The following RASA1 variants were observed in gnomAD, a reference collection of about 807,000 sequenced individuals.
RASA1 encodes RAS p21 protein activator 1, also known as ras GTPase-activating protein 1.
A neutral mutation model predicts 132.2 loss-of-function variants in RASA1; 25 were observed. That is an observed-to-expected ratio of 0.19 (90% confidence interval 0.14 to 0.26). The LOEUF (loss-of-function observed/expected upper bound fraction) is 0.26, where lower values mean the gene tolerates loss of function less well. Among genes scored for constraint, RASA1 ranks in the 10% least tolerant of loss-of-function variants. The probability of loss-of-function intolerance (pLI) is 1.00; values close to 1 mark genes in which losing one functional copy is unlikely to be tolerated. For missense variants in RASA1, 964 were observed against 1,299.2 expected (o/e 0.74, Z 3.97); for synonymous variants, 477 against 449.9 (o/e 1.06, Z -0.76).
chr5:87,269,157 A>G, intron 1 of RASA1, 167 bp downstream of exon 1: 1 of 1,612,732 alleles, frequency 6.2e-7, no homozygotes, highest in Non-Finnish European at 8.5e-7. Context: ...TATCTTCCTT[A>G]CAGGCATACT....
intron 1 of RASA1, among the ~76,000 whole-genome samples, chr5:87,323,409 G>A (rs988604576): frequency 1.3e-5 from 2 of 152,164 alleles, no homozygotes; most frequent in Non-Finnish European, 2.9e-5. Context: ...GAGAACTTTT[G>A]AGGGAGAGAG....
intron 1 of RASA1, among the ~76,000 whole-genome samples, chr5:87,297,225 T>A (rs903341305): frequency 3.9e-5 from 6 of 152,250 alleles, no homozygotes; most frequent in Non-Finnish European, 8.8e-5. Context: ...TTTAAAAAAT[T>A]CCCAGTCTGG....
intron 4 of RASA1, among the ~76,000 whole-genome samples, chr5:87,334,723 GTGT>G (rs766559571): frequency 5.9e-5 from 9 of 152,202 alleles, no homozygotes; most frequent in Non-Finnish European, 1.2e-4. Flanking sequence ...TCATTGAAGA[GTGT>G]TGTTGATGAG....
intron 11 of RASA1, among the ~76,000 whole-genome samples, chr5:87,367,771 AAG>A (rs1760632678): frequency 1.3e-5 from 2 of 152,170 alleles, no homozygotes; most frequent in Non-Finnish European, 2.9e-5. Context: ...TATTAAATTC[AAG>A]ATTGGCAGTT....
At chr5:87,307,828 G>A (rs1401755064) in intron 1 of RASA1, among the ~76,000 whole-genome samples, 3 of 151,820 alleles carry the variant, frequency 2.0e-5, no homozygotes, top group Non-Finnish European at 2.9e-5. Flanking sequence ...TACTCTCTCG[G>A]CGTGCGTTAC....
At chr5:87,315,011 G>C (rs1756214605) in intron 1 of RASA1, among the ~76,000 whole-genome samples, 2 of 152,070 alleles carry the variant, frequency 1.3e-5, no homozygotes, top group African/African-American at 4.8e-5. Flanking sequence ...CATTATATTT[G>C]GGAGCTAGGC....
At chr5:87,357,749 C>G (rs1167961391) in intron 9 of RASA1, among the ~76,000 whole-genome samples, 3 of 152,032 alleles carry the variant, frequency 2.0e-5, no homozygotes, top group Non-Finnish European at 4.4e-5. Context: ...AATAAACTTG[C>G]AGTATGTGTT....
chr5:87,376,310 G>A (rs1344745763), intron 15 of RASA1, 83 bp from the exon 16 acceptor site: 2 of 1,494,118 alleles, frequency 1.3e-6, no homozygotes, highest in Non-Finnish European at 1.8e-6. Flanking sequence ...CCATAGGGAA[G>A]ACTGAACACC....
intron 1 of RASA1, among the ~76,000 whole-genome samples, chr5:87,296,577 G>C (rs1755128458): frequency 6.6e-6 from 1 of 151,736 alleles, no homozygotes; most frequent in Non-Finnish European, 1.5e-5. Context: ...AGTTTCACAT[G>C]GTATAAATTT....
rs181215538 is a variant in RASA1, at chr5:87,286,062, G to T, written c.539+17072G>T. Among the ~76,000 whole-genome samples, 650 of 151,914 alleles carry T rather than the reference G, an allele frequency of 4.3e-3. 1 individual carries two copies. Among genetic ancestry groups the T allele is most frequent in the Non-Finnish European group, 7.2e-3 (487 of 67,964 alleles). ...CTGTAGCCCAGGCTGGAGTGCAGTG[G>T]CATGATCTTGGCTCACTGAAACCTC... On this transcript the variant is annotated intron_variant, in intron 1 of 24. Coordinates refer to ENST00000274376, the MANE Select transcript of RASA1 (RefSeq NM_002890.3).
chr5:87,272,664 T>A (rs1428800428), intron 1 of RASA1, among the ~76,000 whole-genome samples: 2 of 152,178 alleles, frequency 1.3e-5, no homozygotes, highest in Non-Finnish European at 1.5e-5. Flanking sequence ...AGCACTAAAT[T>A]GTCTACTAAT....
At chr5:87,376,717 G>T in intron 16 of RASA1, 152 bp downstream of exon 16, 2 of 1,208,762 alleles carry the variant, frequency 1.7e-6, no homozygotes, top group Non-Finnish European at 2.3e-6. Context: ...TGTAATTTTG[G>T]TAGAAATAAG....
chr5:87,355,333 G>A (rs1384374557), intron 9 of RASA1, among the ~76,000 whole-genome samples: 5 of 152,126 alleles, frequency 3.3e-5, no homozygotes, highest in Non-Finnish European at 7.3e-5. Flanking sequence ...ACCAATTATC[G>A]TTGACTATTC....
intron 1 of RASA1, among the ~76,000 whole-genome samples, chr5:87,278,809 T>A (rs1016085722): frequency 6.6e-6 from 1 of 151,872 alleles, no homozygotes; most frequent in Non-Finnish European, 1.5e-5. Context: ...ATACTAGAGA[T>A]ACAGAAGAGT....
intron 6 of RASA1, among the ~76,000 whole-genome samples, chr5:87,343,453 T>C (rs1758624513): frequency 6.6e-6 from 1 of 152,082 alleles, no homozygotes; most frequent in African/African-American, 2.4e-5. Flanking sequence ...TGCCAGCAGG[T>C]ATATGAAAAA....
intron 1 of RASA1, among the ~76,000 whole-genome samples, chr5:87,327,459 A>G (rs913314560): frequency 4.6e-5 from 7 of 152,344 alleles, no homozygotes; most frequent in East Asian, 1.9e-4. Flanking sequence ...TAAAAAATGT[A>G]AAGACTTGGC....
chr5:87,339,176 G>T (rs1437629437), intron 5 of RASA1, among the ~76,000 whole-genome samples: 2 of 151,868 alleles, frequency 1.3e-5, no homozygotes, highest in Non-Finnish European at 2.9e-5. Flanking sequence ...GGAGAATATT[G>T]TTTTTTCCTA....
intron 1 of RASA1, chr5:87,269,202 G>A: frequency 1.9e-6 from 3 of 1,590,266 alleles, no homozygotes; most frequent in Middle Eastern, 1.7e-4. Flanking sequence ...GCTCCTCTGG[G>A]AAAGTGTAAA....
At chr5:87,356,293 C>T (rs1384630241) in intron 9 of RASA1, among the ~76,000 whole-genome samples, 1 of 152,118 alleles carries the variant, frequency 6.6e-6, no homozygotes, top group African/African-American at 2.4e-5. Flanking sequence ...TTGGCAACCA[C>T]TGCCCTAATC....
Sources: gnomAD v4.1 joint callset for allele counts (sites outside exome capture counted in the v4.1 genomes callset) on GRCh38, gnomAD v4.1.1 for gene constraint, MANE v1.5 for transcripts, NCBI Gene and HGNC (gene_info 2026-07-23, HGNC 2026-07-21) for gene names.